The following PIP5K1B variants were observed in gnomAD, a reference collection of about 807,000 sequenced individuals.
The protein encoded by PIP5K1B is phosphatidylinositol-4-phosphate 5-kinase type 1 beta.
PIP5K1B carries 42 observed loss-of-function variants against 67.0 expected under a neutral mutation model. That is an observed-to-expected ratio of 0.63 (90% confidence interval 0.49 to 0.81). The LOEUF (loss-of-function observed/expected upper bound fraction) is 0.81. Among genes scored for constraint, PIP5K1B ranks in the 30% least tolerant of loss-of-function variants. The pLI, the probability that PIP5K1B is intolerant of heterozygous loss-of-function variation, is 0.00. For missense variants in PIP5K1B, 459 were observed against 646.3 expected, an observed-to-expected ratio of 0.71 and a Z score of 3.14; for synonymous variants, 214 against 231.4, an observed-to-expected ratio of 0.92 and a Z score of 0.68.
In PIP5K1B at chr9:68,846,664, G is replaced by A. The variant is rs562011449; in HGVS notation, c.70-17173G>A. Among the ~76,000 whole-genome samples the A allele has an allele frequency of 4.6e-5, 7 of 152,280 alleles. No homozygotes were observed. The East Asian group carries it at 1.4e-3, about 29-fold the overall frequency. On this transcript the variant is annotated intron_variant, in intron 4 of 15. Transcript: ENST00000265382. ...TCTATGTATGATTCCATCTCATTTA[G>A]CAACAGTTACCCTGCCCCTTTCTTC...
At chr9:68,855,547 G>A (rs1228049246) in intron 4 of PIP5K1B, among the ~76,000 whole-genome samples, 2 of 152,190 alleles carry the variant, frequency 1.3e-5, no homozygotes, top group Non-Finnish European at 2.9e-5. Context: ...TTGGTAAAGT[G>A]ACTTCAGTCC....
chr9:68,971,281 G>A (rs1371009020), intron 14 of PIP5K1B, among the ~76,000 whole-genome samples: 3 of 152,152 alleles, frequency 2.0e-5, no homozygotes, highest in Non-Finnish European at 2.9e-5. Flanking sequence ...TGCTGAGAAT[G>A]ATGGCTTCCA....
rs1277764727 is a variant in PIP5K1B, at chr9:68,931,295, A to G, written c.1202-3595A>G. Among the ~76,000 whole-genome samples, 4 of 152,266 alleles carry G rather than the reference A, an allele frequency of 2.6e-5. No homozygotes were observed. The East Asian group carries it at 7.7e-4, about 29-fold the overall frequency. On this transcript the variant is annotated intron_variant, in intron 12 of 15. Coordinates refer to ENST00000265382, the MANE Select transcript of PIP5K1B (RefSeq NM_003558.4). ...TAAGAGTTAAATTAATTTGTTAGAGAAAATTAACTGTTCTAAAACTTCAGA... is the reference window on the plus strand; with the variant it reads ...TAAGAGTTAAATTAATTTGTTAGAGGAAATTAACTGTTCTAAAACTTCAGA...
intron 12 of PIP5K1B, among the ~76,000 whole-genome samples, chr9:68,926,540 G>T (rs1826710745): frequency 6.6e-6 from 1 of 151,852 alleles, no homozygotes; most frequent in African/African-American, 2.4e-5. Context: ...TCACAGTTAT[G>T]CAATCATCAC....
chr9:68,917,628 G>A lies in PIP5K1B; in HGVS notation c.852G>A (p.Glu284=). Residue 284 remains glutamate, a synonymous_variant, in exon 9 of 16, where the codon GAG becomes GAA. Transcript: ENST00000265382. The stretch of plus-strand genomic sequence containing the variant: ...TGGACCATTCCCTCAAAGAGAAAGA[G>A]GAGGAGACCCCACAAAATGTGCCTG... The part of the protein sequence containing the change: ...HFLDHSLKEK[E]EETPQNVPDA... 3 of 1,613,992 alleles carry A rather than the reference G, an allele frequency of 1.9e-6. No homozygotes were observed. The highest frequency in any genetic ancestry group is 2.5e-6 in the Non-Finnish European group (3 of 1,179,832).
At chr9:68,894,703 T>C in intron 8 of PIP5K1B, 65 bp downstream of exon 8, 1 of 1,432,870 alleles carries the variant, frequency 7.0e-7, no homozygotes, top group Non-Finnish European at 9.7e-7. Context: ...TGGCTGCCAC[T>C]TATTGAAAGC....
intron 15 of PIP5K1B, among the ~76,000 whole-genome samples, chr9:68,997,181 A>T (rs935245399): frequency 2.6e-5 from 4 of 152,236 alleles, no homozygotes; most frequent in Middle Eastern, 3.2e-3. Flanking sequence ...ACAGCTTATC[A>T]TACTATTATG....
At chr9:68,705,956 G>A (rs13285561) in intron 1 of PIP5K1B, 194 bp downstream of exon 1, 2 of 152,276 alleles carry the variant, frequency 1.3e-5, no homozygotes, top group Non-Finnish European at 2.9e-5. Context: ...GGGGGCCACA[G>A]CTGCGCGCTC....
At chr9:68,932,621 A>T (rs2132594029) in intron 12 of PIP5K1B, among the ~76,000 whole-genome samples, 1 of 152,358 alleles carries the variant, frequency 6.6e-6, no homozygotes, top group African/African-American at 2.4e-5. Flanking sequence ...TTCTGAATTC[A>T]ATATGTGGTG....
At chr9:68,835,612 C>T (rs544046834) in intron 4 of PIP5K1B, among the ~76,000 whole-genome samples, 54 of 152,346 alleles carry the variant, frequency 3.5e-4, no homozygotes, top group Non-Finnish European at 7.1e-4. Context: ...CCCAATAATA[C>T]TGCCACCTAC....
At chr9:68,713,127 G>A (rs977991604) in intron 1 of PIP5K1B, among the ~76,000 whole-genome samples, 18 of 152,154 alleles carry the variant, frequency 1.2e-4, no homozygotes, top group Non-Finnish European at 2.2e-4. Flanking sequence ...GGCCAGGCGC[G>A]GTGGCTCACA....
chr9:68,741,323 G>T (rs1234332820), intron 1 of PIP5K1B, among the ~76,000 whole-genome samples: 1 of 152,100 alleles, frequency 6.6e-6, no homozygotes, highest in African/African-American at 2.4e-5. Context: ...GGTCACTTTT[G>T]CAGTTTCTTT....
intron 14 of PIP5K1B, among the ~76,000 whole-genome samples, chr9:68,974,501 C>T (rs907406005): frequency 2.0e-5 from 3 of 152,216 alleles, no homozygotes; most frequent in Non-Finnish European, 4.4e-5. Context: ...ATTACTAAAG[C>T]TGTACCATGA....
intron 2 of PIP5K1B, among the ~76,000 whole-genome samples, chr9:68,750,030 G>T (rs1442369460): frequency 6.6e-6 from 1 of 152,208 alleles, no homozygotes; most frequent in Admixed American, 6.5e-5. Context: ...ACATCACAGG[G>T]TTGTTGTAAG....
At chr9:68,883,393 T>C (rs1167143085) in intron 6 of PIP5K1B, among the ~76,000 whole-genome samples, 1 of 152,174 alleles carries the variant, frequency 6.6e-6, no homozygotes, top group Admixed American at 6.5e-5. Flanking sequence ...TAGCAAGAGA[T>C]TGTCAAGAAG....
chr9:68,915,386 C>T (rs1277027902), intron 8 of PIP5K1B, among the ~76,000 whole-genome samples: 3 of 152,042 alleles, frequency 2.0e-5, no homozygotes, highest in Non-Finnish European at 1.5e-5. Context: ...AAGGTTAAGG[C>T]CCTTCTACCA....
chr9:68,835,045 T>C (rs1015691914), intron 4 of PIP5K1B, among the ~76,000 whole-genome samples: 17 of 152,346 alleles, frequency 1.1e-4, no homozygotes, highest in African/African-American at 3.8e-4. Flanking sequence ...GGATTTGGGA[T>C]CGTTTGGCAG....
rs150452820 is a variant in PIP5K1B, at chr9:68,975,775, C to T, written c.1503-15365C>T. 7.5e-3 allele frequency among the ~76,000 whole-genome samples: 1,146 copies of T among 152,272 alleles called. 16 individuals carry two copies. The highest frequency in any genetic ancestry group is 0.026 in the African/African-American group (1,093 of 41,552). On this transcript the variant is annotated intron_variant, in intron 14 of 15. Transcript: ENST00000265382. ...TGCTAGCTTCTGGTGGTGTGCTGGC[C>T]GTCTTTGACATTCCTTGGCTTGTAA...
chr9:68,911,093 GC>G (rs1564225609), intron 8 of PIP5K1B, among the ~76,000 whole-genome samples: 1 of 152,188 alleles, frequency 6.6e-6, no homozygotes, highest in African/African-American at 2.4e-5. Flanking sequence ...GGGAAACTGG[GC>G]CAGGCATGGT....
Sources: gnomAD v4.1 joint callset for allele counts (sites outside exome capture counted in the v4.1 genomes callset) on GRCh38, gnomAD v4.1.1 for gene constraint, MANE v1.5 for transcripts, NCBI Gene and HGNC (gene_info 2026-07-23, HGNC 2026-07-21) for gene names.